The following PRR5 variants were observed in gnomAD, a reference collection of about 807,000 sequenced individuals.
PRR5 encodes the protein proline rich 5, also known as proline-rich protein 5.
Under a neutral mutation model 30.6 loss-of-function variants are expected in PRR5, and 25 were observed. The observed-to-expected ratio is 0.82, with a 90% CI of 0.60 to 1.14. The LOEUF is 1.14. PRR5 is among the 50% of genes most tolerant of loss of function. The pLI is 0.00. For synonymous variants in PRR5, 286 were observed against 247.1 expected (o/e 1.16, Z -1.48); for missense variants, 600 against 547.1 (o/e 1.10, Z -0.96).
intron 1 of PRR5, among the ~76,000 whole-genome samples, chr22:44,709,278 A>G (rs966938015): frequency 1.3e-5 from 2 of 152,050 alleles, no homozygotes. Context: ...AGTTCCCAGA[A>G]CCTGTGACTC....
chr22:44,683,485 G>T (rs1284960487), intron 1 of PRR5, among the ~76,000 whole-genome samples: 1 of 152,222 alleles, frequency 6.6e-6, no homozygotes, highest in Non-Finnish European at 1.5e-5. Flanking sequence ...ACCAGAAACT[G>T]CCGAGAAGAT....
chr22:44,668,989 G>C (rs888070862), intron 1 of PRR5, among the ~76,000 whole-genome samples: 4 of 151,510 alleles, frequency 2.6e-5, no homozygotes, highest in Non-Finnish European at 5.9e-5. Context: ...GCCCTAGGGT[G>C]GGGTAGGGGT....
chr22:44,685,022 G>C (rs147789815), intron 1 of PRR5, among the ~76,000 whole-genome samples: 2 of 152,174 alleles, frequency 1.3e-5, no homozygotes, highest in Admixed American at 1.3e-4. Flanking sequence ...GAAGCGTGTA[G>C]CTCCAGAGTC....
intron 4 of PRR5, among the ~76,000 whole-genome samples, chr22:44,728,760 C>T (rs1164623808): frequency 1.3e-5 from 2 of 152,220 alleles, no homozygotes; most frequent in Non-Finnish European, 2.9e-5. Flanking sequence ...CTCCTTGCAG[C>T]TGTCCCTACA....
intron 4 of PRR5, chr22:44,730,550 A>G: frequency 2.0e-6 from 2 of 988,486 alleles, no homozygotes; most frequent in African/African-American, 3.5e-5. Flanking sequence ...GTTCCTCTCA[A>G]GGCCAGCAGA....
chr22:44,670,335 C>A (rs1013871405), intron 1 of PRR5, among the ~76,000 whole-genome samples: 2 of 152,306 alleles, frequency 1.3e-5, no homozygotes, highest in Middle Eastern at 3.4e-3. Flanking sequence ...TTGTTTAAAT[C>A]GTGGGGCGGG....
upstream of PRR5, among the ~76,000 whole-genome samples, chr22:44,697,702 G>A (rs182567198): frequency 1.3e-3 from 191 of 152,324 alleles, 2 homozygotes; most frequent in African/African-American, 4.4e-3. Flanking sequence ...CGAGATGGAG[G>A]CTGTCTCTCT....
Position 44,702,369 on chromosome 22 carries a change from A to T in PRR5, c.-106A>T. 8.4e-7 allele frequency: 1 copy of T among 1,191,948 alleles called. No individual in the cohort carries two copies. The highest frequency in any genetic ancestry group is 1.0e-6 in the Non-Finnish European group (1 of 960,174). 73.8% of individuals were successfully genotyped at this position (1,191,948 alleles called of 1,614,324 possible). On this transcript the variant is annotated 5_prime_UTR_variant, in exon 1 of 8. Coordinates refer to ENST00000336985, the MANE Select transcript of PRR5 (RefSeq NM_181333.4). The stretch of plus-strand genomic sequence containing the variant: ...CCGCTCGGCTTCCTGCTCTCGCCGG[A>T]GTTTCCGCGTAGAGGGCGCATCGCC...
Position 44,737,260 on chromosome 22 carries a change from G to A in PRR5, c.*13G>A, listed in dbSNP as rs777935379. 1.1e-4 allele frequency: 179 copies of A among 1,583,534 alleles called. No individual in the cohort carries two copies. The highest frequency in any genetic ancestry group is 1.7e-4 in the Middle Eastern group (1 of 5,948). On this transcript the variant is annotated 3_prime_UTR_variant, in exon 8 of 8. Coordinates refer to ENST00000336985, the MANE Select transcript of PRR5 (RefSeq NM_181333.4). ...GAGTGTCGTGTGAGGCCTCACAGCT[G>A]GCCTTGAGTTTTTACTGACACGTCC...
intron 1 of PRR5, among the ~76,000 whole-genome samples, chr22:44,682,434 A>AT (rs1924380780): frequency 6.6e-6 from 1 of 152,172 alleles, no homozygotes; most frequent in Non-Finnish European, 1.5e-5. Flanking sequence ...CTGCCTGGAC[A>AT]TAGCCTCTGG....
chr22:44,689,062 C>G (rs964150382), intron 1 of PRR5, among the ~76,000 whole-genome samples: 1 of 152,072 alleles, frequency 6.6e-6, no homozygotes, highest in Admixed American at 6.6e-5. Context: ...TTTACAAGCT[C>G]GATCATAGAA....
intron 1 of PRR5, among the ~76,000 whole-genome samples, chr22:44,680,058 T>C (rs572612748): frequency 6.6e-6 from 1 of 152,254 alleles, no homozygotes; most frequent in South Asian, 2.1e-4. Flanking sequence ...GTGATGTCAG[T>C]CCCTCCTGGG....
chr22:44,707,518 T>C (rs936597603), intron 1 of PRR5, among the ~76,000 whole-genome samples: 7 of 152,226 alleles, frequency 4.6e-5, no homozygotes, highest in African/African-American at 1.4e-4. Context: ...CCCCAGCCTC[T>C]GCCTCCTGGC....
At position 44,731,746 on chromosome 22, in the gene PRR5, C is replaced by G; in HGVS notation, c.339C>G (p.Asp113Glu). Reference sequence around the variant, plus strand: ...TGCCCACAGGACAGAAGCTGCTGGACTCACTGGCAGAGACCTGGGACTTCT... The same window carrying G: ...TGCCCACAGGACAGAAGCTGCTGGAGTCACTGGCAGAGACCTGGGACTTCT... The part of the protein sequence containing the change: ...IRFYEGQKLL[D>E]SLAETWDFFF... The change falls in exon 5 of 8, where the codon GAC becomes GAG. Residue 113 changes from aspartate to glutamate, a missense_variant. Transcript: ENST00000336985. The G allele has an allele frequency of 1.9e-6, 3 of 1,613,802 alleles. No homozygotes were observed. The highest frequency in any genetic ancestry group is 2.5e-6 in the Non-Finnish European group (3 of 1,180,014).
chr22:44,697,819 T>C (rs561294974), upstream of PRR5, among the ~76,000 whole-genome samples: 1 of 152,316 alleles, frequency 6.6e-6, no homozygotes, highest in South Asian at 2.1e-4. Flanking sequence ...GTCTGTAAAA[T>C]GGGACTGGTC....
chr22:44,737,209 G>C lies in PRR5; in HGVS notation c.1129G>C (p.Asp377His), dbSNP rs759677215. The C allele has an allele frequency of 8.1e-6, 13 of 1,608,794 alleles. No homozygotes were observed. Among genetic ancestry groups the C allele is most frequent in the Non-Finnish European group, 1.1e-5 (13 of 1,176,756 alleles). Reference protein sequence around the residue: ...FGRGRGSGMSDLEGSGGRQSV... With the variant: ...FGRGRGSGMSHLEGSGGRQSV... ...CCGGGGCCGGGGCTCTGGCATGTCC[G>C]ACTTGGAGGGCTCTGGGGGCCGGCA... The change falls in exon 8 of 8, where the codon GAC becomes CAC. Residue 377 changes from aspartate to histidine, a missense_variant. Coordinates refer to ENST00000336985, the MANE Select transcript of PRR5 (RefSeq NM_181333.4).
At chr22:44,685,420 C>G (rs557096386) in intron 1 of PRR5, among the ~76,000 whole-genome samples, 15 of 152,352 alleles carry the variant, frequency 9.8e-5, no homozygotes, top group African/African-American at 3.6e-4. Context: ...TGTATTTAAT[C>G]AGAAAAATGT....
intron 1 of PRR5, among the ~76,000 whole-genome samples, chr22:44,670,147 C>A (rs2146918055): frequency 6.6e-6 from 1 of 152,318 alleles, no homozygotes; most frequent in East Asian, 1.9e-4. Flanking sequence ...AGTCATCTAC[C>A]TTCCTCCGGC....
upstream of PRR5, among the ~76,000 whole-genome samples, chr22:44,672,160 A>C (rs1923463462): frequency 6.6e-6 from 1 of 152,224 alleles, no homozygotes; most frequent in Non-Finnish European, 1.5e-5. Flanking sequence ...GGAAGCCCTC[A>C]ACTGATGCCT....
Sources: gnomAD v4.1 joint callset for allele counts (sites outside exome capture counted in the v4.1 genomes callset) on GRCh38, gnomAD v4.1.1 for gene constraint, MANE v1.5 for transcripts, NCBI Gene and HGNC (gene_info 2026-07-23, HGNC 2026-07-21) for gene names.